The following TBC1D4 variants were observed in gnomAD, a reference collection of about 807,000 sequenced individuals.
The protein encoded by TBC1D4 is TBC1 domain family member 4.
A neutral mutation model predicts 142.5 loss-of-function variants in TBC1D4; 121 were observed. That is an observed-to-expected ratio of 0.85 (90% CI 0.73 to 0.99). TBC1D4 has a LOEUF of 0.99. Ranked by LOEUF, TBC1D4 falls within the 50% of genes least tolerant of loss-of-function variation. The pLI is 0.00. For synonymous variants in TBC1D4, 630 were observed against 628.2 expected, an observed-to-expected ratio of 1.00 and a Z score of -0.04; for missense variants, 1,475 against 1,606.6, an observed-to-expected ratio of 0.92 and a Z score of 1.40.
chr13:75,388,439 C>T (rs992116858), intron 1 of TBC1D4, among the ~76,000 whole-genome samples: 8 of 152,052 alleles, frequency 5.3e-5, no homozygotes, highest in Non-Finnish European at 1.0e-4. Context: ...AAAATGTGTT[C>T]TCAAAGGTTA....
intron 1 of TBC1D4, among the ~76,000 whole-genome samples, chr13:75,372,173 T>TAG (rs781211733): frequency 2.0e-5 from 3 of 152,216 alleles, no homozygotes; most frequent in Non-Finnish European, 4.4e-5. Flanking sequence ...CACATCCCTC[T>TAG]ACCCAACTGC....
At chr13:75,390,964 T>C (rs2138301326) in intron 1 of TBC1D4, among the ~76,000 whole-genome samples, 1 of 151,638 alleles carries the variant, frequency 6.6e-6, no homozygotes, top group African/African-American at 2.4e-5. Context: ...CATCTAACTG[T>C]GCTTACACTA....
chr13:75,425,509 C>G (rs1408993748), intron 1 of TBC1D4, among the ~76,000 whole-genome samples: 1 of 152,170 alleles, frequency 6.6e-6, no homozygotes, highest in African/African-American at 2.4e-5. Flanking sequence ...GAAAAGGTAT[C>G]TATACTATCA....
chr13:75,307,672 C>G (rs1305043846), intron 14 of TBC1D4, among the ~76,000 whole-genome samples: 1 of 152,120 alleles, frequency 6.6e-6, no homozygotes, highest in East Asian at 1.9e-4. Flanking sequence ...TGTTTGAAAC[C>G]ATTTCAAAAG....
intron 4 of TBC1D4, among the ~76,000 whole-genome samples, chr13:75,354,463 C>T (rs973945439): frequency 6.6e-6 from 1 of 152,160 alleles, no homozygotes; most frequent in Non-Finnish European, 1.5e-5. Context: ...ACATTCTTAT[C>T]TTTCAGTCAA....
chr13:75,397,070 T>G (rs1031582531), intron 1 of TBC1D4, among the ~76,000 whole-genome samples: 1 of 151,910 alleles, frequency 6.6e-6, no homozygotes, highest in Non-Finnish European at 1.5e-5. Flanking sequence ...ATCTAGGAAA[T>G]GAATGGATTT....
At chr13:75,443,157 C>G (rs1468290529) in intron 1 of TBC1D4, among the ~76,000 whole-genome samples, 13 of 152,202 alleles carry the variant, frequency 8.5e-5, no homozygotes, top group Admixed American at 8.5e-4. Flanking sequence ...ATGCCAACAG[C>G]GGCTAGGACA....
chr13:75,299,609 T>G, intron 16 of TBC1D4, 35 bp from the exon 17 acceptor site: 2 of 1,612,224 alleles, frequency 1.2e-6, no homozygotes, highest in Non-Finnish European at 1.7e-6. Context: ...TTTTTTGAAA[T>G]GTCCTCATGC....
chr13:75,390,869 AGGGGAG>A (rs1884441042), intron 1 of TBC1D4, among the ~76,000 whole-genome samples: 1 of 4,856 alleles, frequency 2.1e-4, no homozygotes, highest in Non-Finnish European at 4.0e-4. Flanking sequence ...AGGGGAGGGG[AGGGGAG>A]GGGAGGGGAG....
At chr13:75,418,798 A>G (rs1313679768) in intron 1 of TBC1D4, among the ~76,000 whole-genome samples, 1 of 152,116 alleles carries the variant, frequency 6.6e-6, no homozygotes, top group Admixed American at 6.5e-5. Context: ...TCCAAGTGCT[A>G]TGTTTGAATT....
chr13:75,328,121 C>T (rs562398277), intron 8 of TBC1D4, among the ~76,000 whole-genome samples: 1 of 152,054 alleles, frequency 6.6e-6, no homozygotes, highest in Non-Finnish European at 1.5e-5. Flanking sequence ...AGTGAGGGCC[C>T]CAATTAACTC....
intron 7 of TBC1D4, among the ~76,000 whole-genome samples, chr13:75,339,487 C>T (rs1880496794): frequency 6.6e-6 from 1 of 152,184 alleles, no homozygotes; most frequent in African/African-American, 2.4e-5. Flanking sequence ...CCTTGTTTCC[C>T]CCACCAATCC....
In TBC1D4 at chr13:75,294,922, T is replaced by C. The variant is rs999597942; in HGVS notation, c.3248A>G (p.Tyr1083Cys). 1.9e-6 allele frequency: 3 copies of C among 1,613,932 alleles called. No individual in the cohort carries two copies. Among genetic ancestry groups the C allele is most frequent in the Non-Finnish European group, 2.5e-6 (3 of 1,179,880 alleles). The change falls in exon 18 of 21, where the codon TAT becomes TGT. Residue 1083 changes from tyrosine (Y) to cysteine (C), a missense_variant. Coordinates refer to ENST00000377636, the MANE Select transcript of TBC1D4 (RefSeq NM_014832.5). Reference protein sequence around the residue: ...LEENEISPSLYAAPWFLTLFA... With the variant: ...LEENEISPSLCAAPWFLTLFA... The stretch of plus-strand genomic sequence containing the variant: ...CAATGTGAGGAACCAGGGGGCAGCA[T>C]AAAGACTGGGGCTGATTTCATTTTC...
intron 1 of TBC1D4, among the ~76,000 whole-genome samples, chr13:75,382,313 C>T (rs1376212792): frequency 1.3e-5 from 2 of 152,196 alleles, no homozygotes; most frequent in Non-Finnish European, 2.9e-5. Flanking sequence ...GCATCCATGA[C>T]TCCCAAATAT....
At chr13:75,359,996 A>G in intron 2 of TBC1D4, 138 bp from the exon 3 acceptor site, 1 of 701,950 alleles carries the variant, frequency 1.4e-6, no homozygotes, top group South Asian at 1.9e-5. Flanking sequence ...TTAAACATCT[A>G]ATCCAACCAA....
At chr13:75,308,840 C>T (rs953661251) in intron 14 of TBC1D4, among the ~76,000 whole-genome samples, 1 of 152,040 alleles carries the variant, frequency 6.6e-6, no homozygotes, top group Non-Finnish European at 1.5e-5. Context: ...GATGTATTTC[C>T]AAAGGATATT....
chr13:75,477,878 T>A lies in TBC1D4; in HGVS notation c.498+3392A>T, dbSNP rs142072772. The stretch of plus-strand genomic sequence containing the variant: ...TGTGCTAAGCCTGACATTCCTCCTG[T>A]ATAAGACTACATAGGCTTGACTAGA... On this transcript the variant is annotated intron_variant, in intron 1 of 20. Coordinates refer to ENST00000377636, the MANE Select transcript of TBC1D4 (RefSeq NM_014832.5). 4.4e-3 allele frequency among the ~76,000 whole-genome samples: 677 copies of A among 152,356 alleles called. 5 individuals carry two copies. The highest frequency in any genetic ancestry group is 0.016 in the African/African-American group (647 of 41,592).
chr13:75,288,846 C>T, intron 20 of TBC1D4, 88 bp downstream of exon 20: 1 of 1,383,818 alleles, frequency 7.2e-7, no homozygotes, highest in Non-Finnish European at 1.0e-6. Context: ...TGGTTCATTC[C>T]ACGCACATAT....
At chr13:75,472,106 CAAA>C (rs59823952) in intron 1 of TBC1D4, among the ~76,000 whole-genome samples, 21 of 121,852 alleles carry the variant, frequency 1.7e-4, no homozygotes, top group East Asian at 2.3e-4. Flanking sequence ...GACTCTGTCT[CAAA>C]AAAAAAAAAA....
Sources: allele counts gnomAD v4.1 joint callset (sites outside exome capture counted in the v4.1 genomes callset), GRCh38; gene constraint gnomAD v4.1.1; transcripts MANE v1.5; gene names NCBI Gene and HGNC (gene_info 2026-07-23, HGNC 2026-07-21).